VPS13C: variants seen among roughly 807,000 people sequenced by gnomAD.
The protein encoded by VPS13C is vacuolar protein sorting 13 homolog C.
Under a neutral mutation model 456.8 loss-of-function variants are expected in VPS13C, and 358 were observed. The observed-to-expected ratio is 0.78, with a 90% CI of 0.72 to 0.86. The LOEUF is 0.86. VPS13C is among the 40% of genes least tolerant of loss of function. The pLI is 0.00. For synonymous variants in VPS13C, 1,578 were observed against 1,486.7 expected, an observed-to-expected ratio of 1.06 and a Z score of -1.41; for missense variants, 4,818 against 4,385.4, an observed-to-expected ratio of 1.10 and a Z score of -2.79.
At chr15:62,048,144 G>A (rs2048484896) in intron 1 of VPS13C, among the ~76,000 whole-genome samples, 1 of 146,850 alleles carries the variant, frequency 6.8e-6, no homozygotes, top group Non-Finnish European at 1.5e-5. Context: ...TAGGGTACAT[G>A]TGCACAATGT....
intron 29 of VPS13C, among the ~76,000 whole-genome samples, chr15:61,966,481 C>T (rs1364447531): frequency 6.6e-6 from 1 of 151,800 alleles, no homozygotes; most frequent in Non-Finnish European, 1.5e-5. Flanking sequence ...AGCAAGTCTA[C>T]ATTTTTTTAT....
chr15:61,954,022 G>C (rs2044896922), intron 38 of VPS13C, among the ~76,000 whole-genome samples: 1 of 152,144 alleles, frequency 6.6e-6, no homozygotes, highest in African/African-American at 2.4e-5. Flanking sequence ...CTTTCCTCAA[G>C]AGTATGCAGA....
intron 63 of VPS13C, among the ~76,000 whole-genome samples, chr15:61,911,599 G>A (rs2043303063): frequency 3.9e-5 from 6 of 152,164 alleles, no homozygotes; most frequent in South Asian, 4.1e-4. Context: ...ACATAGCTAC[G>A]TTCTACACAT....
chr15:61,864,806 CT>C (rs746026354), intron 81 of VPS13C: 1 of 984,378 alleles, frequency 1.0e-6, no homozygotes, highest in Non-Finnish European at 1.2e-6. Context: ...TCTTTTAACA[CT>C]TTTGCCTTAA....
At chr15:61,931,337 CA>C (rs2044048665) in intron 49 of VPS13C, 78 bp from the exon 50 acceptor site, 1 of 1,393,876 alleles carries the variant, frequency 7.2e-7, no homozygotes, top group Non-Finnish European at 9.5e-7. Flanking sequence ...TTACTTAATT[CA>C]AAACTTAAAG....
intron 16 of VPS13C, among the ~76,000 whole-genome samples, chr15:61,997,130 G>C (rs1196520933): frequency 2.0e-5 from 3 of 152,018 alleles, no homozygotes; most frequent in African/African-American, 4.8e-5. Flanking sequence ...CCCATATTTA[G>C]TAGGTTTAAT....
At chr15:61,961,922 T>C (rs1251485410) in intron 34 of VPS13C, 29 bp from the exon 35 acceptor site, 2 of 1,581,942 alleles carry the variant, frequency 1.3e-6, no homozygotes, top group East Asian at 2.2e-5. Flanking sequence ...AAAAGAGAAA[T>C]TCAAAGAGAA....
chr15:61,903,670 C>T (rs1275818082), intron 66 of VPS13C, among the ~76,000 whole-genome samples: 2 of 152,164 alleles, frequency 1.3e-5, no homozygotes, highest in African/African-American at 2.4e-5. Flanking sequence ...TCATATGGAA[C>T]CTGAATAGCC....
Position 61,940,655 on chromosome 15 carries a change from G to A in VPS13C, c.5593C>T (p.Pro1865Ser), listed in dbSNP as rs772700704. ...PGMEIKGKLKPMQVALSEDDL... is the reference protein window; with the variant it reads ...PGMEIKGKLKSMQVALSEDDL... ...ATATACTAGCTACTTACCTGCATAG[G>A]TTTTAGTTTTCCTTTTATCTCCATC... The change falls in exon 47 of 85, where the codon CCT becomes TCT. Residue 1865 changes from proline to serine, a missense_variant. By Grantham distance (74) the Pro-to-Ser change is moderately conservative (BLOSUM62 -1). Coordinates refer to ENST00000644861, the MANE Select transcript of VPS13C (RefSeq NM_020821.3). The A allele has an allele frequency of 1.2e-6, 2 of 1,612,962 alleles. No homozygotes were observed. Among genetic ancestry groups the A allele is most frequent in the Middle Eastern group, 1.7e-4 (1 of 6,050 alleles).
At chr15:62,028,114 T>C (rs1458981729) in intron 6 of VPS13C, among the ~76,000 whole-genome samples, 2 of 152,102 alleles carry the variant, frequency 1.3e-5, no homozygotes, top group East Asian at 3.9e-4. Flanking sequence ...TGAATCATGT[T>C]TGTTTACCCC....
At chr15:62,059,924 A>G (rs1446322021) in intron 1 of VPS13C, among the ~76,000 whole-genome samples, 1 of 152,192 alleles carries the variant, frequency 6.6e-6, no homozygotes. Context: ...ACCGAAACAG[A>G]AAGGGCTCTG....
rs1894508663 is a variant in VPS13C, at chr15:61,865,670, A to G, written c.10864-2142T>C. 1.0e-5 allele frequency: 4 copies of G among 381,414 alleles called. No homozygotes were observed. The South Asian group carries it at 4.3e-4, about 41-fold the overall frequency. The allele number at this position is 381,414 out of a possible 1,614,324, so 23.6% of individuals were successfully genotyped here. On this transcript the variant is annotated intron_variant, in intron 81 of 84. Coordinates refer to ENST00000644861, the MANE Select transcript of VPS13C (RefSeq NM_020821.3). ...TGTGTATATATATGTATGTGTATAT[A>G]TGTGTATATTTGTATGTGTATATAT...
rs1373889027 is a variant in VPS13C, at chr15:62,018,245, G to A, written c.684+2234C>T. Among the ~76,000 whole-genome samples the A allele has an allele frequency of 7.9e-5, 12 of 152,074 alleles. No homozygotes were observed. In the East Asian group the frequency reaches 2.3e-3, roughly 29 times the overall value. On this transcript the variant is annotated intron_variant, in intron 9 of 84. Transcript: ENST00000644861. Reference sequence around the variant, plus strand: ...TGTCATCTGCAAACACGGACAATTTGACTTCCTCTTTTCCTAATTGAATAC... The same window carrying A: ...TGTCATCTGCAAACACGGACAATTTAACTTCCTCTTTTCCTAATTGAATAC...
chr15:62,051,823 C>A (rs1217701202), intron 1 of VPS13C, among the ~76,000 whole-genome samples: 1 of 152,154 alleles, frequency 6.6e-6, no homozygotes, highest in Non-Finnish European at 1.5e-5. Flanking sequence ...AAAACAGATG[C>A]AGGAGATGGT....
intron 9 of VPS13C, among the ~76,000 whole-genome samples, chr15:62,015,960 C>CAAAAA (rs67786303): frequency 1.4e-5 from 1 of 72,408 alleles, no homozygotes; most frequent in Non-Finnish European, 2.7e-5. Context: ...AAAAGAAGTC[C>CAAAAA]AAAAAAAAAA....
At chr15:61,948,736 G>C (rs1322907826) in intron 42 of VPS13C, among the ~76,000 whole-genome samples, 1 of 151,318 alleles carries the variant, frequency 6.6e-6, no homozygotes, top group Non-Finnish European at 1.5e-5. Flanking sequence ...AGTACTGACA[G>C]TTTTACACCA....
chr15:62,042,131 G>A (rs555933367), intron 2 of VPS13C, among the ~76,000 whole-genome samples: 1 of 152,074 alleles, frequency 6.6e-6, no homozygotes, highest in African/African-American at 2.4e-5. Flanking sequence ...TAAAAGAAAA[G>A]CTAGATTCCC....
At position 61,947,353 on chromosome 15, in the gene VPS13C, A is replaced by T. The variant is rs113403713; in HGVS notation, c.4760-44T>A. On this transcript the variant is annotated intron_variant, in intron 42 of 84. Coordinates refer to ENST00000644861, the MANE Select transcript of VPS13C (RefSeq NM_020821.3). The stretch of plus-strand genomic sequence containing the variant: ...CTTCTGATGAGCAAAGGGAAAAGAT[A>T]ATACAACACATACAATAACCTCAAA... 22,579 of 1,393,992 alleles carry T rather than the reference A, an allele frequency of 0.016. 551 individuals are homozygous for T. The highest frequency in any genetic ancestry group is 0.077 in the South Asian group (6,395 of 82,806). The allele number at this position is 1,393,992 out of a possible 1,614,324, so 86.4% of individuals were successfully genotyped here. A position where few individuals can be genotyped will look rare whatever the true frequency, so the allele number is the denominator to read the frequency against.
At chr15:62,016,746 C>T (rs1269778646) in intron 9 of VPS13C, among the ~76,000 whole-genome samples, 1 of 152,008 alleles carries the variant, frequency 6.6e-6, no homozygotes, top group African/African-American at 2.4e-5. Context: ...GTACATGTGT[C>T]TTTAGAGCAG....
Sources: allele counts gnomAD v4.1 joint callset (sites outside exome capture counted in the v4.1 genomes callset), GRCh38; gene constraint gnomAD v4.1.1; transcripts MANE v1.5; gene names NCBI Gene and HGNC (gene_info 2026-07-23, HGNC 2026-07-21).